Variants in MAGI2 observed in about 807,000 individuals in gnomAD.
The protein encoded by MAGI2 is membrane-associated guanylate kinase, WW and PDZ domain-containing protein 2.
In MAGI2, 35 loss-of-function variants were observed where a neutral mutation model predicts 133.3. That is an observed-to-expected ratio of 0.26 (90% CI 0.20 to 0.35). MAGI2 has a LOEUF of 0.35. Ranked by LOEUF, MAGI2 falls within the 10% of genes least tolerant of loss-of-function variation. MAGI2 has a pLI of 1.00. For missense variants in MAGI2, 1,636 were observed against 1,863.4 expected (o/e 0.88, Z 2.25); for synonymous variants, 729 against 710.6 (o/e 1.03, Z -0.41).
At chr7:79,319,721 C>T (rs536832752) in intron 1 of MAGI2, among the ~76,000 whole-genome samples, 3 of 152,246 alleles carry the variant, frequency 2.0e-5, no homozygotes, top group African/African-American at 4.8e-5. Context: ...AAATAAACTT[C>T]TACCATCTTA....
chr7:78,911,892 T>C (rs937087134), intron 2 of MAGI2, among the ~76,000 whole-genome samples: 3 of 151,798 alleles, frequency 2.0e-5, no homozygotes, highest in Non-Finnish European at 2.9e-5. Context: ...ACAGAGTAGA[T>C]AAAGAAAATG....
chr7:78,622,526 G>A (rs1009377425), intron 3 of MAGI2, among the ~76,000 whole-genome samples: 6 of 151,994 alleles, frequency 3.9e-5, no homozygotes, highest in Admixed American at 3.9e-4. Flanking sequence ...GTCTAGTTGA[G>A]TAGCACAGAA....
chr7:78,724,092 G>A (rs866280623), intron 2 of MAGI2, among the ~76,000 whole-genome samples: 28 of 152,280 alleles, frequency 1.8e-4, no homozygotes, highest in African/African-American at 6.0e-4. Flanking sequence ...TTAATTGGGT[G>A]CTGTAGCTGA....
chr7:79,423,682 T>C (rs1585925877), intron 1 of MAGI2, among the ~76,000 whole-genome samples: 2 of 152,258 alleles, frequency 1.3e-5, no homozygotes. Flanking sequence ...TATCTGATGT[T>C]TGAAGATGGC....
At chr7:79,436,202 G>A (rs1848131740) in intron 1 of MAGI2, among the ~76,000 whole-genome samples, 2 of 147,130 alleles carry the variant, frequency 1.4e-5, no homozygotes, top group African/African-American at 5.1e-5. Flanking sequence ...TCCAGACTGG[G>A]TGACAGAGCA....
At chr7:78,674,988 T>G (rs934350885) in intron 2 of MAGI2, among the ~76,000 whole-genome samples, 4 of 152,162 alleles carry the variant, frequency 2.6e-5, no homozygotes, top group Admixed American at 2.6e-4. Flanking sequence ...GACAAAGCTT[T>G]CTCTTTTCAA....
chr7:78,979,301 G>A (rs1174153899), intron 2 of MAGI2, among the ~76,000 whole-genome samples: 4 of 151,750 alleles, frequency 2.6e-5, no homozygotes, highest in South Asian at 4.2e-4. Context: ...TATATAAGAC[G>A]AGCTTGGAGC....
At chr7:78,758,310 C>T (rs1324307026) in intron 2 of MAGI2, among the ~76,000 whole-genome samples, 1 of 151,990 alleles carries the variant, frequency 6.6e-6, no homozygotes, top group Non-Finnish European at 1.5e-5. Context: ...TGGAACAGTG[C>T]CTAAACTATA....
chr7:78,915,554 A>T (rs927823870), intron 2 of MAGI2, among the ~76,000 whole-genome samples: 5 of 152,010 alleles, frequency 3.3e-5, no homozygotes, highest in South Asian at 2.1e-4. Context: ...CTAGGTATAA[A>T]TTTTTTTCAA....
chr7:78,923,658 C>G (rs149490138), intron 2 of MAGI2, among the ~76,000 whole-genome samples: 2,441 of 152,064 alleles, frequency 0.016, 71 homozygotes, highest in African/African-American at 0.056. Context: ...TTTGGCTTAG[C>G]ATTGACTTGG....
At chr7:79,052,864 A>G (rs1812801127) in intron 1 of MAGI2, among the ~76,000 whole-genome samples, 1 of 152,156 alleles carries the variant, frequency 6.6e-6, no homozygotes, top group Non-Finnish European at 1.5e-5. Context: ...TTAATCTTAT[A>G]AAAAGTGTGT....
chr7:78,145,172 A>G lies in MAGI2; in HGVS notation c.2846-9966T>C, dbSNP rs1584129982. Among the ~76,000 whole-genome samples the G allele has an allele frequency of 2.6e-5, 4 of 152,290 alleles. No individual in the cohort carries two copies. In the South Asian group the frequency reaches 8.3e-4, roughly 32 times the overall value. Reference sequence around the variant, plus strand: ...GATTGTATGAAACTCCTAGACTGAAAAAATGATTTTTCTTCAGAAACTTAC... The same window carrying G: ...GATTGTATGAAACTCCTAGACTGAAGAAATGATTTTTCTTCAGAAACTTAC... On this transcript the variant is annotated intron_variant, in intron 16 of 21. Coordinates refer to ENST00000354212, the MANE Select transcript of MAGI2 (RefSeq NM_012301.4).
rs530789649 is a variant in MAGI2, at chr7:78,114,683, C to T, written c.3567+11011G>A. Among the ~76,000 whole-genome samples the T allele has an allele frequency of 2.5e-4, 38 of 152,240 alleles. No homozygotes were observed. The South Asian group carries it at 4.8e-3, about 19-fold the overall frequency. Reference sequence around the variant, plus strand: ...GGAGGGGACCATGCTTCTCTGTGCCCGGGACCCAGGAGTGCATGAGGGAGC... The same window carrying T: ...GGAGGGGACCATGCTTCTCTGTGCCTGGGACCCAGGAGTGCATGAGGGAGC... On this transcript the variant is annotated intron_variant, in intron 20 of 21. Coordinates refer to ENST00000354212, the MANE Select transcript of MAGI2 (RefSeq NM_012301.4).
intron 2 of MAGI2, among the ~76,000 whole-genome samples, chr7:78,836,930 A>G (rs1029030933): frequency 6.6e-6 from 1 of 152,192 alleles, no homozygotes; most frequent in Non-Finnish European, 1.5e-5. Context: ...TTGTGTTTAC[A>G]TAGGTGTCTA....
At chr7:78,323,269 G>T (rs1430088151) in intron 9 of MAGI2, among the ~76,000 whole-genome samples, 1 of 152,144 alleles carries the variant, frequency 6.6e-6, no homozygotes, top group Non-Finnish European at 1.5e-5. Flanking sequence ...ATATCTTTCT[G>T]TGATTAATTT....
At chr7:79,213,391 C>G (rs901592621) in intron 1 of MAGI2, among the ~76,000 whole-genome samples, 5 of 151,818 alleles carry the variant, frequency 3.3e-5, no homozygotes, top group African/African-American at 1.2e-4. Context: ...ACTATATTGC[C>G]TAGGCTGGTC....
At chr7:79,000,469 G>A (rs779536009) in intron 2 of MAGI2, 1 of 152,056 alleles carries the variant, frequency 6.6e-6, no homozygotes, top group Admixed American at 6.6e-5. Flanking sequence ...TTCCCACAAA[G>A]TATACTAGAA....
intron 1 of MAGI2, among the ~76,000 whole-genome samples, chr7:79,187,386 T>G (rs1179113139): frequency 6.6e-6 from 1 of 151,824 alleles, no homozygotes; most frequent in African/African-American, 2.4e-5. Flanking sequence ...TTAAGAAATC[T>G]GACCAATCTG....
rs752850710 is a variant in MAGI2 at position 78,019,885 on chromosome 7, A to G, written c.3798T>C (p.Ser1266=). Residue 1266 remains serine, a synonymous_variant, in exon 22 of 22, where the codon TCT becomes TCC. Coordinates refer to ENST00000354212, the MANE Select transcript of MAGI2 (RefSeq NM_012301.4). The part of the protein sequence containing the change: ...VSLDDGLAPF[S]PSHPAPPSDP... ...CGGAGGGTGGGGCTGGATGTGATGG[A>G]GAGAATGGAGCGAGGCCGTCGTCCA... 2 of 1,612,510 alleles carry G rather than the reference A, an allele frequency of 1.2e-6. No homozygotes were observed. The highest frequency in any genetic ancestry group is 4.5e-5 in the East Asian group (2 of 44,760).
Sources: gnomAD v4.1 joint callset for allele counts (sites outside exome capture counted in the v4.1 genomes callset) on GRCh38, gnomAD v4.1.1 for gene constraint, MANE v1.5 for transcripts, NCBI Gene and HGNC (gene_info 2026-07-23, HGNC 2026-07-21) for gene names.